The following PDE4D variants were observed in gnomAD, a reference collection of about 807,000 sequenced individuals.
PDE4D encodes the protein phosphodiesterase 4D.
In PDE4D, 24 loss-of-function variants were observed where a neutral mutation model predicts 87.4. That is an observed-to-expected ratio of 0.27 (90% CI 0.20 to 0.39). The LOEUF is 0.39. Ranked by LOEUF, PDE4D falls within the 10% of genes least tolerant of loss-of-function variation. The pLI is 1.00. For missense variants in PDE4D, 714 were observed against 1,041.0 expected (o/e 0.69, Z 4.32); for synonymous variants, 384 against 383.2 (o/e 1.00, Z -0.02).
intron 1 of PDE4D, among the ~76,000 whole-genome samples, chr5:60,424,079 T>G (rs9750942): frequency 6.6e-6 from 1 of 152,308 alleles, no homozygotes; most frequent in Admixed American, 6.5e-5. Context: ...CAGGACCCGA[T>G]GGATTCACAG....
At chr5:59,337,717 C>T (rs1002553972) in intron 1 of PDE4D, among the ~76,000 whole-genome samples, 3 of 152,192 alleles carry the variant, frequency 2.0e-5, no homozygotes, top group Middle Eastern at 3.2e-3. Flanking sequence ...TTTGATGCCT[C>T]TCCTGGGTGA....
chr5:59,193,865 A>T, intron 2 of PDE4D: 1 of 767,234 alleles, frequency 1.3e-6, no homozygotes, highest in Non-Finnish European at 1.6e-6. Flanking sequence ...CTCTTACTGT[A>T]GATATTAGTA....
chr5:60,316,292 T>C (rs1232098187), intron 1 of PDE4D, among the ~76,000 whole-genome samples: 1 of 152,190 alleles, frequency 6.6e-6, no homozygotes, highest in Non-Finnish European at 1.5e-5. Flanking sequence ...TGTTTGTCTG[T>C]TATTGGTGTA....
chr5:59,553,990 G>A (rs548330787), intron 1 of PDE4D, among the ~76,000 whole-genome samples: 1 of 152,170 alleles, frequency 6.6e-6, no homozygotes, highest in African/African-American at 2.4e-5. Flanking sequence ...CTGGCATAAT[G>A]CTAGATGTTA....
chr5:59,356,717 T>C, intron 1 of PDE4D: 1 of 1,539,904 alleles, frequency 6.5e-7, no homozygotes, highest in Non-Finnish European at 8.7e-7. Context: ...CCTAAGGCAG[T>C]TAAACAATTC....
chr5:59,731,541 G>A (rs1389615575), intron 1 of PDE4D, among the ~76,000 whole-genome samples: 1 of 148,270 alleles, frequency 6.7e-6, no homozygotes, highest in Non-Finnish European at 1.5e-5. Flanking sequence ...GTTTTCTATT[G>A]CTTATAGCTG....
intron 1 of PDE4D, among the ~76,000 whole-genome samples, chr5:60,193,931 A>G (rs1047070597): frequency 6.6e-6 from 1 of 151,320 alleles, no homozygotes; most frequent in Non-Finnish European, 1.5e-5. Flanking sequence ...TGAGAGGATG[A>G]GTGAGGTGTT....
chr5:59,078,963 C>T (rs1766191975), intron 5 of PDE4D, among the ~76,000 whole-genome samples: 1 of 152,102 alleles, frequency 6.6e-6, no homozygotes, highest in South Asian at 2.1e-4. Flanking sequence ...TATCTCTCTC[C>T]CTTTTGCTTT....
chr5:59,255,177 GAATA>G (rs1414353061), intron 1 of PDE4D, among the ~76,000 whole-genome samples: 24 of 152,184 alleles, frequency 1.6e-4, no homozygotes, highest in African/African-American at 4.6e-4. Context: ...ATCAACTGAT[GAATA>G]AATAAGCAAA....
At chr5:59,402,234 CCT>C in intron 1 of PDE4D, among the ~76,000 whole-genome samples, 1 of 152,180 alleles carries the variant, frequency 6.6e-6, no homozygotes, top group Non-Finnish European at 1.5e-5. Flanking sequence ...GATAGAGTGA[CCT>C]CTTTTCATCC....
At chr5:59,602,917 C>A (rs1408551683) in intron 1 of PDE4D, among the ~76,000 whole-genome samples, 1 of 151,892 alleles carries the variant, frequency 6.6e-6, no homozygotes, top group Non-Finnish European at 1.5e-5. Context: ...AACAAAGGTG[C>A]CAAGAACATA....
rs35078554 is a variant in PDE4D at position 59,136,027 on chromosome 5, TAAAA to T, written c.808+44564_808+44567del. The stretch of plus-strand genomic sequence containing the variant: ...TCAAATATTTTAAAAGACTAAATGA[TAAAA>T]AAAAAAAACCCTAAACAAATTAAAA... On this transcript the variant is annotated intron_variant, in intron 5 of 14. Transcript: ENST00000340635. Among the ~76,000 whole-genome samples, 224 of 149,376 alleles carry T rather than the reference TAAAA, an allele frequency of 1.5e-3. 2 individuals are homozygous for T. The highest frequency in any genetic ancestry group is 4.8e-3 in the African/African-American group (195 of 40,918).
chr5:59,172,133 TAATA>T (rs1485683730), intron 5 of PDE4D, among the ~76,000 whole-genome samples: 1 of 92,438 alleles, frequency 1.1e-5, no homozygotes, highest in Non-Finnish European at 1.9e-5. Context: ...ATTATATATA[TAATA>T]AATATATAAT....
At chr5:60,315,967 T>C (rs111605770) in intron 1 of PDE4D, among the ~76,000 whole-genome samples, 63,042 of 151,958 alleles carry the variant, frequency 0.41, 15,378 homozygotes, top group African/African-American at 0.68. Flanking sequence ...CTTGGCAATG[T>C]GGGCTCTTTT....
intron 1 of PDE4D, among the ~76,000 whole-genome samples, chr5:60,307,162 CACA>C (rs1295456400): frequency 5.3e-5 from 8 of 151,826 alleles, no homozygotes; most frequent in Admixed American, 4.6e-4. Context: ...GAAAAAAATT[CACA>C]ACAAGAGTTG....
intron 1 of PDE4D, among the ~76,000 whole-genome samples, chr5:59,771,605 C>G (rs190015496): frequency 3.9e-5 from 6 of 152,164 alleles, no homozygotes; most frequent in Non-Finnish European, 1.5e-5. Context: ...GCAAGGGACT[C>G]TGGGTTCTAG....
chr5:59,634,134 A>G (rs1831945554), intron 1 of PDE4D, among the ~76,000 whole-genome samples: 1 of 152,234 alleles, frequency 6.6e-6, no homozygotes, highest in Non-Finnish European at 1.5e-5. Flanking sequence ...AGAAAAAGAC[A>G]AAGAAGGGCA....
chr5:59,386,499 A>G (rs1787024180), intron 1 of PDE4D, among the ~76,000 whole-genome samples: 1 of 151,860 alleles, frequency 6.6e-6, no homozygotes, highest in East Asian at 1.9e-4. Context: ...GGCAGTTAAT[A>G]TCAGAGTAAG....
chr5:59,148,754 G>GGTGTGTGT (rs3061422), intron 5 of PDE4D, among the ~76,000 whole-genome samples: 4,878 of 145,510 alleles, frequency 0.034, 107 homozygotes, highest in South Asian at 0.052. Context: ...AATATATAGC[G>GGTGTGTGT]GTGTGTGTGT....
Sources: allele counts gnomAD v4.1 joint callset (sites outside exome capture counted in the v4.1 genomes callset), GRCh38; gene constraint gnomAD v4.1.1; transcripts MANE v1.5; gene names NCBI Gene and HGNC (gene_info 2026-07-23, HGNC 2026-07-21).